The following USP47 variants were observed in gnomAD, a reference collection of about 807,000 sequenced individuals.
USP47 encodes ubiquitin carboxyl-terminal hydrolase 47.
USP47 carries 35 observed loss-of-function variants against 165.1 expected under a neutral mutation model. The ratio of observed to expected loss-of-function variants is 0.21; its 90% CI spans 0.16 to 0.28. The LOEUF (loss-of-function observed/expected upper bound fraction) is 0.28, where lower values mean the gene tolerates loss of function less well. Ranked by LOEUF, USP47 falls within the 10% of genes least tolerant of loss-of-function variation. The pLI, the probability that USP47 is intolerant of heterozygous loss-of-function variation, is 1.00. For synonymous variants in USP47, 531 were observed against 544.5 expected (o/e 0.98, Z 0.35); for missense variants, 1,277 against 1,607.4 (o/e 0.79, Z 3.52).
chr11:11,913,273 A>AC (rs1446921769), intron 8 of USP47, among the ~76,000 whole-genome samples: 3 of 151,242 alleles, frequency 2.0e-5, no homozygotes, highest in Non-Finnish European at 4.4e-5. Context: ...AAAAAAAAAA[A>AC]AAAACAACAC....
At chr11:11,928,758 C>T (rs1456120872) in intron 11 of USP47, among the ~76,000 whole-genome samples, 1 of 151,936 alleles carries the variant, frequency 6.6e-6, no homozygotes, top group Non-Finnish European at 1.5e-5. Flanking sequence ...AAAAATAAGT[C>T]ATTATAAATG....
At chr11:11,872,865 C>T (rs1266948056) in intron 1 of USP47, among the ~76,000 whole-genome samples, 2 of 151,994 alleles carry the variant, frequency 1.3e-5, no homozygotes, top group East Asian at 3.9e-4. Flanking sequence ...CTTAAATGCC[C>T]ATTAATAGCA....
rs1013843726 is a variant in USP47, at chr11:11,915,608, T to A, written c.970-4548T>A. Among the ~76,000 whole-genome samples, 3 of 152,150 alleles carry A rather than the reference T, an allele frequency of 2.0e-5. No homozygotes were observed. The East Asian group carries it at 5.8e-4, about 29-fold the overall frequency. ...TGTTTCCAGTAAACTGGGGGAAGTG[T>A]ACAAGAGGTCTCTGTATGTTATTTC... On this transcript the variant is annotated intron_variant, in intron 8 of 27. Transcript: ENST00000527733.
intron 1 of USP47, among the ~76,000 whole-genome samples, chr11:11,848,783 G>T (rs1177065046): frequency 6.6e-6 from 1 of 151,778 alleles, no homozygotes; most frequent in African/African-American, 2.4e-5. Context: ...CTAATTTTTT[G>T]TATTTTTAGT....
intron 24 of USP47, 49 bp from the exon 25 acceptor site, chr11:11,952,692 T>G: frequency 6.8e-7 from 1 of 1,477,144 alleles, no homozygotes; most frequent in South Asian, 1.4e-5. Flanking sequence ...AGTCAAATTA[T>G]GAACCTTCAG....
chr11:11,950,269 A>T, intron 23 of USP47, 95 bp from the exon 24 acceptor site: 3 of 864,388 alleles, frequency 3.5e-6, no homozygotes, highest in Non-Finnish European at 5.3e-6. Context: ...TTGTATTTGA[A>T]CATAGTTCAT....
chr11:11,942,910 T>C lies in USP47; in HGVS notation c.2889T>C (p.Asn963=), dbSNP rs761900314. ...ACAATGCTCAGATCCCTTTGGCTAATGGACTTGACTCTCACAGTATCACAA... is the reference window on the plus strand; with the variant it reads ...ACAATGCTCAGATCCCTTTGGCTAACGGACTTGACTCTCACAGTATCACAA... The part of the protein sequence containing the change: ...NADNAQIPLA[N]GLDSHSITSS... Residue 963 remains asparagine, a synonymous_variant, in exon 20 of 28, where the codon AAT becomes AAC. Coordinates refer to ENST00000527733, the MANE Select transcript of USP47 (RefSeq NM_001282659.2). The C allele has an allele frequency of 6.8e-6, 11 of 1,613,474 alleles. No individual in the cohort carries two copies. Among genetic ancestry groups the C allele is most frequent in the African/African-American group, 1.3e-5 (1 of 74,858 alleles).
chr11:11,945,408 C>T (rs373286749), intron 20 of USP47, among the ~76,000 whole-genome samples: 3 of 152,276 alleles, frequency 2.0e-5, no homozygotes, highest in East Asian at 1.9e-4. Flanking sequence ...GCACAGTATA[C>T]GCAGTTCACT....
At chr11:11,864,256 A>G (rs1260571157) in intron 1 of USP47, among the ~76,000 whole-genome samples, 2 of 152,090 alleles carry the variant, frequency 1.3e-5, no homozygotes, top group Non-Finnish European at 2.9e-5. Flanking sequence ...GCCTATATGT[A>G]GTATGTGTTT....
intron 1 of USP47, among the ~76,000 whole-genome samples, chr11:11,871,611 A>ACT (rs753600713): frequency 2.0e-4 from 30 of 147,940 alleles, no homozygotes; most frequent in Admixed American, 8.4e-4. Flanking sequence ...TGCCTCAGGC[A>ACT]CTCTCTTTAC....
chr11:11,884,553 A>G lies in USP47; in HGVS notation c.330A>G (p.Lys110=). The G allele has an allele frequency of 6.2e-7, 1 of 1,609,888 alleles. No individual in the cohort carries two copies. The highest frequency in any genetic ancestry group is 1.7e-5 in the Admixed American group (1 of 58,896). Residue 110 remains lysine, a synonymous_variant, in exon 3 of 28, where the codon AAA becomes AAG. Coordinates refer to ENST00000527733, the MANE Select transcript of USP47 (RefSeq NM_001282659.2). ...AGAACTTTCTGCATTTGACAGATAA[A>G]GATGGTGAACAACCTCAAATACTGC... The part of the protein sequence containing the change: ...GKKNFLHLTD[K]DGEQPQILLE...
chr11:11,899,809 T>C (rs1165107690), intron 5 of USP47, among the ~76,000 whole-genome samples: 2 of 152,252 alleles, frequency 1.3e-5, no homozygotes, highest in Non-Finnish European at 2.9e-5. Flanking sequence ...ATTGTGAGAA[T>C]AGAGTGAAGT....
chr11:11,894,872 C>T (rs1851750887), intron 4 of USP47, among the ~76,000 whole-genome samples: 1 of 152,074 alleles, frequency 6.6e-6, no homozygotes, highest in Admixed American at 6.5e-5. Flanking sequence ...GTACTACTGG[C>T]ACCACTTCTA....
chr11:11,944,898 C>T (rs1047113224), intron 20 of USP47, among the ~76,000 whole-genome samples: 1 of 152,174 alleles, frequency 6.6e-6, no homozygotes, highest in African/African-American at 2.4e-5. Flanking sequence ...ATGATAGTCT[C>T]AACCGTAGGA....
intron 4 of USP47, among the ~76,000 whole-genome samples, chr11:11,893,476 A>G (rs1461716690): frequency 6.6e-6 from 1 of 152,136 alleles, no homozygotes; most frequent in African/African-American, 2.4e-5. Context: ...TTGCTTTGTC[A>G]CCCAGGCTGG....
chr11:11,929,093 G>A (rs550755053), intron 11 of USP47, among the ~76,000 whole-genome samples: 2 of 152,064 alleles, frequency 1.3e-5, no homozygotes, highest in East Asian at 3.9e-4. Flanking sequence ...TTTATCGACT[G>A]TGTATTTTAG....
rs564282907 is a variant in USP47 at position 11,952,723 on chromosome 11, A to C, written c.3584-18A>C. The C allele has an allele frequency of 6.4e-7, 1 of 1,573,646 alleles. No individual in the cohort carries two copies. The highest frequency in any genetic ancestry group is 8.6e-7 in the Non-Finnish European group (1 of 1,160,096). ...TTCAGAGGAAATAGAATGATGACCT[A>C]ATCTTGCATATTCTTAGGGGTAGAG... On this transcript the variant is annotated intron_variant, in intron 24 of 27. Transcript: ENST00000527733.
intron 18 of USP47, among the ~76,000 whole-genome samples, chr11:11,939,081 C>G (rs963083938): frequency 6.6e-6 from 1 of 151,904 alleles, no homozygotes; most frequent in African/African-American, 2.4e-5. Flanking sequence ...AGAACATAGG[C>G]TCATTCCGAT....
intron 11 of USP47, among the ~76,000 whole-genome samples, chr11:11,923,393 C>T (rs534292003): frequency 2.6e-5 from 4 of 151,998 alleles, no homozygotes; most frequent in Non-Finnish European, 5.9e-5. Context: ...TGCCAAAGCC[C>T]CCTAGTCTTT....
Sources: gnomAD v4.1 joint callset for allele counts (sites outside exome capture counted in the v4.1 genomes callset) on GRCh38, gnomAD v4.1.1 for gene constraint, MANE v1.5 for transcripts, NCBI Gene and HGNC (gene_info 2026-07-23, HGNC 2026-07-21) for gene names.